The following MYO3B variants were observed in gnomAD, a reference collection of about 807,000 sequenced individuals.
The protein encoded by MYO3B is myosin IIIB.
MYO3B carries 156 observed loss-of-function variants against 174.6 expected under a neutral mutation model. That is an observed-to-expected ratio of 0.89 (90% confidence interval 0.78 to 1.02). The LOEUF is 1.02. Ranked by LOEUF, MYO3B falls within the 50% of genes least tolerant of loss-of-function variation. The probability of loss-of-function intolerance (pLI) is 0.00; values close to 1 mark genes in which losing one functional copy is unlikely to be tolerated. For synonymous variants in MYO3B, 563 were observed against 569.1 expected, an observed-to-expected ratio of 0.99 and a Z score of 0.15; for missense variants, 1,632 against 1,639.4, an observed-to-expected ratio of 1.00 and a Z score of 0.08.
chr2:170,494,727 C>CGA (rs1686730002), intron 25 of MYO3B, among the ~76,000 whole-genome samples: 1 of 92,038 alleles, frequency 1.1e-5, no homozygotes, highest in Non-Finnish European at 2.1e-5. Context: ...AACTGCGTCT[C>CGA]AAAAAAAAAA....
At chr2:170,570,198 AAG>A (rs369552630) in intron 32 of MYO3B, among the ~76,000 whole-genome samples, 26 of 152,344 alleles carry the variant, frequency 1.7e-4, no homozygotes, top group African/African-American at 6.0e-4. Context: ...GCTGAAGAAA[AAG>A]AGTTTTCCAA....
intron 32 of MYO3B, among the ~76,000 whole-genome samples, chr2:170,562,812 C>A (rs1691802497): frequency 6.6e-6 from 1 of 152,158 alleles, no homozygotes; most frequent in African/African-American, 2.4e-5. Flanking sequence ...TCAGCAATTT[C>A]TGTAGCCATG....
intron 7 of MYO3B, among the ~76,000 whole-genome samples, chr2:170,314,632 T>C (rs2093761907): frequency 6.6e-6 from 1 of 152,220 alleles, no homozygotes; most frequent in African/African-American, 2.4e-5. Flanking sequence ...GAAATTCAAT[T>C]AAACTGTATT....
intron 8 of MYO3B, among the ~76,000 whole-genome samples, chr2:170,360,843 G>A (rs1179223009): frequency 6.6e-6 from 1 of 152,210 alleles, no homozygotes; most frequent in Non-Finnish European, 1.5e-5. Flanking sequence ...AGCCATCTTG[G>A]AAGTAGAGAG....
Position 170,383,719 on chromosome 2 carries a change from C to CT in MYO3B, c.1198dup (p.Tyr400LeufsTer62). ...ATTATTTTTCCTTCAGTTTTCCAGACTTTATCATGGGGTGAAACGCGCCTC... is the reference window on the plus strand; with the variant it reads ...ATTATTTTTCCTTCAGTTTTCCAGACTTTTATCATGGGGTGAAACGCGCCTC... On this transcript the variant is annotated frameshift_variant, in exon 12 of 35. Coordinates refer to ENST00000408978, the MANE Select transcript of MYO3B (RefSeq NM_138995.5). LOFTEE classifies it high-confidence loss of function. The CT allele has an allele frequency of 6.2e-7, 1 of 1,613,192 alleles. No homozygotes were observed. The highest frequency in any genetic ancestry group is 1.1e-5 in the South Asian group (1 of 91,068).
chr2:170,438,658 G>A (rs1048984907), intron 22 of MYO3B, among the ~76,000 whole-genome samples: 3 of 150,224 alleles, frequency 2.0e-5, no homozygotes, highest in Admixed American at 1.3e-4. Context: ...TTTTTGAGAC[G>A]GAGTCTTGCT....
rs536746087 is a variant in MYO3B at position 170,224,561 on chromosome 2, A to C, written c.603+7166A>C. ...TGAGACATCATTTTAAAAGATGCAC[A>C]TGAAGGACCTATCACCTATAATTTA... On this transcript the variant is annotated intron_variant, in intron 6 of 34. Transcript: ENST00000408978. Among the ~76,000 whole-genome samples, 3 of 152,182 alleles carry C rather than the reference A, an allele frequency of 2.0e-5. No homozygotes were observed. The South Asian group carries it at 6.2e-4, about 32-fold the overall frequency.
At chr2:170,279,358 T>A (rs1271319038) in intron 7 of MYO3B, among the ~76,000 whole-genome samples, 1 of 152,132 alleles carries the variant, frequency 6.6e-6, no homozygotes, top group Non-Finnish European at 1.5e-5. Context: ...CTCATTGTGG[T>A]TTTGATTTGC....
intron 30 of MYO3B, among the ~76,000 whole-genome samples, chr2:170,538,866 A>C (rs1344244067): frequency 6.6e-6 from 1 of 152,214 alleles, no homozygotes; most frequent in Non-Finnish European, 1.5e-5. Context: ...TATTCACCTT[A>C]TTTTGATAGC....
chr2:170,350,502 G>A (rs1394467714), intron 8 of MYO3B: 1 of 152,104 alleles, frequency 6.6e-6, no homozygotes, highest in African/African-American at 2.4e-5. Flanking sequence ...TCCACAGAAA[G>A]ATTGAAGAGA....
Position 170,653,024 on chromosome 2 carries a change from C to T in MYO3B, c.3929C>T (p.Ser1310Phe), listed in dbSNP as rs148631182. The part of the protein sequence containing the change: ...VLDGEDEYYK[S>F]LSPVDCIPEE... The stretch of plus-strand genomic sequence containing the variant: ...GATGGGGAAGATGAATATTACAAAT[C>T]TCTGTCACCAGTGGACTGTATCCCT... The change falls in exon 35 of 35, where the codon TCT becomes TTT. Residue 1310 changes from serine (S) to phenylalanine (F), a missense_variant. Coordinates refer to ENST00000408978, the MANE Select transcript of MYO3B (RefSeq NM_138995.5). 3.1e-6 allele frequency: 5 copies of T among 1,614,144 alleles called. No homozygotes were observed. The African/African-American group carries it at 6.7e-5, about 22-fold the overall frequency.
chr2:170,506,637 CAA>C (rs1232160031), intron 28 of MYO3B, among the ~76,000 whole-genome samples: 6 of 152,186 alleles, frequency 3.9e-5, no homozygotes, highest in African/African-American at 1.4e-4. Context: ...TTGAATAAAT[CAA>C]GTACTCTGTA....
intron 22 of MYO3B, among the ~76,000 whole-genome samples, chr2:170,415,877 A>T (rs1390158311): frequency 6.6e-6 from 1 of 152,164 alleles, no homozygotes; most frequent in South Asian, 2.1e-4. Flanking sequence ...TCTTATCAAC[A>T]TAGTCTCTTT....
At chr2:170,313,456 A>G (rs1204736841) in intron 7 of MYO3B, among the ~76,000 whole-genome samples, 1 of 152,188 alleles carries the variant, frequency 6.6e-6, no homozygotes, top group African/African-American at 2.4e-5. Flanking sequence ...GGAAAAACCT[A>G]CAGCTGAGCC....
At position 170,508,432 on chromosome 2, in the gene MYO3B, G is replaced by A. The variant is rs116648019; in HGVS notation, c.3371-6489G>A. Among the ~76,000 whole-genome samples, 853 of 152,248 alleles carry A rather than the reference G, an allele frequency of 5.6e-3. 10 individuals carry two copies. Among genetic ancestry groups the A allele is most frequent in the African/African-American group, 0.02 (816 of 41,542 alleles). On this transcript the variant is annotated intron_variant, in intron 28 of 34. Transcript: ENST00000408978. ...TGTAACTACACAATAGTAAAGAAAC[G>A]TTTAGGGGAAAGCTAACTGGGCTGT...
In MYO3B at chr2:170,369,261, A is replaced by G. The variant is rs1352617323; in HGVS notation, c.855A>G (p.Thr285=). 11 of 1,613,600 alleles carry G rather than the reference A, an allele frequency of 6.8e-6. No individual in the cohort carries two copies. Among genetic ancestry groups the G allele is most frequent in the Admixed American group, 3.3e-5 (2 of 59,976 alleles). ...ATTTTGAAAGGCGACCTTCCGTCACACATCTCCTTGACCACCCATTTATTA... is the reference window on the plus strand; with the variant it reads ...ATTTTGAAAGGCGACCTTCCGTCACGCATCTCCTTGACCACCCATTTATTA... ...IKDFERRPSV[T]HLLDHPFIKG... The change falls in exon 9 of 35, where the codon ACA becomes ACG. Residue 285 remains threonine (T), a synonymous_variant. Coordinates refer to ENST00000408978, the MANE Select transcript of MYO3B (RefSeq NM_138995.5).
At chr2:170,180,055 C>A (rs752236281) in intron 1 of MYO3B, 3 of 273,320 alleles carry the variant, frequency 1.1e-5, no homozygotes, top group Non-Finnish European at 2.4e-5. Flanking sequence ...TGGAAATCTT[C>A]ATCATGAATT....
chr2:170,249,365 C>G (rs985433021), intron 7 of MYO3B, among the ~76,000 whole-genome samples: 2 of 152,226 alleles, frequency 1.3e-5, no homozygotes, highest in Non-Finnish European at 2.9e-5. Flanking sequence ...ACCCTGCCCA[C>G]CTTCCTCCAC....
intron 23 of MYO3B, among the ~76,000 whole-genome samples, chr2:170,454,834 G>A (rs10200143): frequency 0.078 from 11,819 of 152,202 alleles, 550 homozygotes; most frequent in African/African-American, 0.13. Flanking sequence ...AGAATTTGGG[G>A]ATCTGAATTT....
Sources: allele counts gnomAD v4.1 joint callset (sites outside exome capture counted in the v4.1 genomes callset), GRCh38; gene constraint gnomAD v4.1.1; transcripts MANE v1.5; gene names NCBI Gene and HGNC (gene_info 2026-07-23, HGNC 2026-07-21).